ARGLU1: variants seen among roughly 807,000 people sequenced by gnomAD.
ARGLU1 encodes the protein arginine and glutamate-rich protein 1.
ARGLU1 carries 9 observed loss-of-function variants against 37.6 expected under a neutral mutation model. That is an observed-to-expected ratio of 0.24 (90% CI 0.14 to 0.42). The LOEUF (loss-of-function observed/expected upper bound fraction) is 0.42. Ranked by LOEUF, ARGLU1 falls within the 10% of genes least tolerant of loss-of-function variation. ARGLU1 has a pLI of 1.00. For synonymous variants in ARGLU1, 166 were observed against 138.5 expected, an observed-to-expected ratio of 1.20 and a Z score of -1.39; for missense variants, 211 against 359.2, an observed-to-expected ratio of 0.59 and a Z score of 3.34.
At chr13:106,554,705 T>C (rs752970769) in intron 3 of ARGLU1, among the ~76,000 whole-genome samples, 1 of 151,836 alleles carries the variant, frequency 6.6e-6, no homozygotes, top group Non-Finnish European at 1.5e-5. Context: ...GCCAACATAC[T>C]GAAACCCCGT....
chr13:106,548,085 T>C (rs1241488214), intron 3 of ARGLU1, among the ~76,000 whole-genome samples: 3 of 152,214 alleles, frequency 2.0e-5, no homozygotes, highest in Admixed American at 6.5e-5. Flanking sequence ...TTTAATGCAA[T>C]GATTTAAAAA....
At chr13:106,555,970 CAG>C (rs1880652669) in intron 3 of ARGLU1, among the ~76,000 whole-genome samples, 1 of 152,178 alleles carries the variant, frequency 6.6e-6, no homozygotes, top group African/African-American at 2.4e-5. Context: ...CCTCACAAAC[CAG>C]AGTGTATTTA....
chr13:106,550,071 C>A (rs902602203), intron 3 of ARGLU1, among the ~76,000 whole-genome samples: 4 of 152,096 alleles, frequency 2.6e-5, no homozygotes, highest in African/African-American at 9.7e-5. Context: ...ATTTTGTGCA[C>A]TAAGTTTTCC....
At chr13:106,555,030 T>C (rs1057285343) in intron 3 of ARGLU1, among the ~76,000 whole-genome samples, 3 of 152,098 alleles carry the variant, frequency 2.0e-5, no homozygotes, top group Admixed American at 6.5e-5. Context: ...GATATGTTTT[T>C]TACTGAAGTT....
At chr13:106,549,405 A>G (rs551563100) in intron 3 of ARGLU1, among the ~76,000 whole-genome samples, 10 of 152,174 alleles carry the variant, frequency 6.6e-5, no homozygotes, top group African/African-American at 1.9e-4. Flanking sequence ...CTTCCCTTCC[A>G]TAACTTTTTA....
In ARGLU1 at chr13:106,568,009, T is replaced by C; in HGVS notation, c.-90A>G. ...GCCTTCGGACGCGGGCTGGCGGTTC[T>C]ACCGAGGCCGGAGGAAAGAAAGGTG... is the stretch of plus-strand genomic sequence containing the variant. On this transcript the variant is annotated 5_prime_UTR_variant, in exon 1 of 4. Coordinates refer to ENST00000400198, the MANE Select transcript of ARGLU1 (RefSeq NM_018011.4). 6.7e-7 allele frequency: 1 copy of C among 1,484,454 alleles called. No homozygotes were observed. The highest frequency in any genetic ancestry group is 1.4e-5 in the African/African-American group (1 of 68,998). 92.0% of individuals were successfully genotyped at this position (1,484,454 alleles called of 1,614,324 possible). A position where few individuals can be genotyped will look rare whatever the true frequency, so the allele number is the denominator to read the frequency against.
At position 106,567,067 on chromosome 13, in the gene ARGLU1, T is replaced by C. The variant is rs563272552; in HGVS notation, c.347+506A>G. ...TTTCTGGCGGACCACCTAAAGTGTA[T>C]GATTCCCGAGATTAGTTAAGTCCTG... On this transcript the variant is annotated intron_variant, in intron 1 of 3. Transcript: ENST00000400198. The surrounding 1 kb of genome is among the most constrained non-coding windows in gnomAD (Gnocchi z 4.3). 4.6e-5 allele frequency among the ~76,000 whole-genome samples: 7 copies of C among 152,240 alleles called. No homozygotes were observed. Among genetic ancestry groups the C allele is most frequent in the Admixed American group, 2.0e-4 (3 of 15,300 alleles).
intron 3 of ARGLU1, among the ~76,000 whole-genome samples, chr13:106,553,437 A>G (rs1451883486): frequency 6.6e-6 from 1 of 152,194 alleles, no homozygotes; most frequent in African/African-American, 2.4e-5. Context: ...TTCATTTGTA[A>G]ATGATTCTAT....
chr13:106,554,271 G>C (rs189528523), intron 3 of ARGLU1, among the ~76,000 whole-genome samples: 18 of 152,058 alleles, frequency 1.2e-4, no homozygotes, highest in Admixed American at 2.0e-4. Context: ...TCTCAATATA[G>C]ATTTTAGCAA....
chr13:106,563,019 A>C (rs1299758534), intron 1 of ARGLU1, among the ~76,000 whole-genome samples: 1 of 149,480 alleles, frequency 6.7e-6, no homozygotes, highest in Non-Finnish European at 1.5e-5. Context: ...CAAAAAAAAA[A>C]ACCACTAGTC....
rs2138960358 is a variant in ARGLU1, at chr13:106,542,676, T to C, written c.*1320A>G. ...CAAAAATAAAAATATTTTCTCTACT[T>C]GATGACATGTTTATGCATCTCAGGT... is the stretch of plus-strand genomic sequence containing the variant. On this transcript the variant is annotated 3_prime_UTR_variant, in exon 4 of 4. Coordinates refer to ENST00000400198, the MANE Select transcript of ARGLU1 (RefSeq NM_018011.4). 1 of 152,256 alleles carries C rather than the reference T, an allele frequency of 6.6e-6. No homozygotes were observed. Among genetic ancestry groups the C allele is most frequent in the South Asian group, 2.1e-4 (1 of 4,828 alleles). The allele number at this position is 152,256 out of a possible 1,614,324, so 9.4% of individuals were successfully genotyped here. A position where few individuals can be genotyped will look rare whatever the true frequency, so the allele number is the denominator to read the frequency against.
rs745494550 is a variant in ARGLU1 at position 106,562,990 on chromosome 13, C to CAAA, written c.348-3336_348-3334dup. Among the ~76,000 whole-genome samples the CAAA allele has an allele frequency of 1.5e-3, 104 of 67,338 alleles. 2 individuals are homozygous for CAAA. The highest frequency in any genetic ancestry group is 9.5e-3 in the East Asian group (20 of 2,116). The allele number at this position is 67,338 out of a possible 152,430, so 44.2% of individuals were successfully genotyped here. A position where few individuals can be genotyped will look rare whatever the true frequency, so the allele number is the denominator to read the frequency against. ...TGGGCGACAGAGCAAGACCCTGTCT[C>CAAA]AAAAAAAAAAAAAAAAAACAAAAAA... On this transcript the variant is annotated intron_variant, in intron 1 of 3. Coordinates refer to ENST00000400198, the MANE Select transcript of ARGLU1 (RefSeq NM_018011.4).
intron 2 of ARGLU1, chr13:106,558,301 T>C: frequency 2.0e-6 from 2 of 984,824 alleles, no homozygotes; most frequent in Non-Finnish European, 2.4e-6. Context: ...CCACTATAAA[T>C]ATAAGCATGT....
intron 1 of ARGLU1, among the ~76,000 whole-genome samples, chr13:106,561,224 T>C (rs937599428): frequency 6.6e-6 from 1 of 152,058 alleles, no homozygotes; most frequent in Non-Finnish European, 1.5e-5. Context: ...ACTGGGAGCA[T>C]ATAAAAGGAA....
In ARGLU1 at chr13:106,568,080, C is replaced by A; in HGVS notation, c.-161G>T. The stretch of plus-strand genomic sequence containing the variant: ...CTTTTCCCGGCGTCTACAGCTGCCA[C>A]GAAGGCCGCCTCCAACGAGAAACCC... On this transcript the variant is annotated 5_prime_UTR_variant, in exon 1 of 4. Transcript: ENST00000400198. 2.6e-6 allele frequency: 3 copies of A among 1,135,568 alleles called. No individual in the cohort carries two copies. The highest frequency in any genetic ancestry group is 3.5e-6 in the Non-Finnish European group (3 of 850,436). The allele number at this position is 1,135,568 out of a possible 1,614,324, so 70.3% of individuals were successfully genotyped here.
chr13:106,562,611 C>T (rs1028567291), intron 1 of ARGLU1, among the ~76,000 whole-genome samples: 1 of 152,034 alleles, frequency 6.6e-6, no homozygotes, highest in Non-Finnish European at 1.5e-5. Flanking sequence ...GTTATACTGA[C>T]GAAAGCATTA....
intron 3 of ARGLU1, among the ~76,000 whole-genome samples, chr13:106,545,266 A>C (rs1361305956): frequency 6.6e-6 from 1 of 152,186 alleles, no homozygotes; most frequent in Non-Finnish European, 1.5e-5. Context: ...AACCCTTTTT[A>C]ATATCAGTTA....
chr13:106,549,740 T>C (rs1381061971), intron 3 of ARGLU1, among the ~76,000 whole-genome samples: 7 of 152,224 alleles, frequency 4.6e-5, no homozygotes, highest in Admixed American at 2.0e-4. Context: ...TTATATATAA[T>C]CTTAAATCAT....
Position 106,557,500 on chromosome 13 carries a change from T to G in ARGLU1, c.574-369A>C. 7.7e-7 allele frequency: 1 copy of G among 1,307,154 alleles called. No individual in the cohort carries two copies. The allele number at this position is 1,307,154 out of a possible 1,614,324, so 81.0% of individuals were successfully genotyped here. On this transcript the variant is annotated intron_variant, in intron 2 of 3. Transcript: ENST00000400198. The surrounding 1 kb of genome is among the most constrained non-coding windows in gnomAD (Gnocchi z 5.0). ...GTGAATATTTGTCTCACCAATTATG[T>G]ATACCTACGTATTCTTTACCTATAC...
Sources: gnomAD v4.1 joint callset for allele counts (sites outside exome capture counted in the v4.1 genomes callset) on GRCh38, gnomAD v4.1.1 for gene constraint, Gnocchi (gnomAD v3.1) non-coding constraint, MANE v1.5 for transcripts, NCBI Gene and HGNC (gene_info 2026-07-23, HGNC 2026-07-21) for gene names.